The following KALRN variants were observed in gnomAD, a reference collection of about 807,000 sequenced individuals.
KALRN encodes the protein kalirin.
A neutral mutation model predicts 353.7 loss-of-function variants in KALRN; 70 were observed. The ratio of observed to expected loss-of-function variants is 0.20; its 90% CI spans 0.16 to 0.24. The LOEUF (loss-of-function observed/expected upper bound fraction) is 0.24, where lower values mean the gene tolerates loss of function less well. Ranked by LOEUF, KALRN falls within the 10% of genes least tolerant of loss-of-function variation. KALRN has a pLI of 1.00. For synonymous variants in KALRN, 1,391 were observed against 1,434.8 expected, an observed-to-expected ratio of 0.97 and a Z score of 0.69; for missense variants, 2,791 against 3,756.7, an observed-to-expected ratio of 0.74 and a Z score of 6.72.
At chr3:124,574,054 C>A (rs2073840608) in intron 34 of KALRN, among the ~76,000 whole-genome samples, 1 of 152,278 alleles carries the variant, frequency 6.6e-6, no homozygotes, top group African/African-American at 2.4e-5. Context: ...GAGGGGACCA[C>A]TCTTTAATTC....
At chr3:124,069,337 G>T (rs1387106779) in intron 1 of KALRN, among the ~76,000 whole-genome samples, 1 of 110,848 alleles carries the variant, frequency 9.0e-6, no homozygotes, top group Non-Finnish European at 1.8e-5. Context: ...AGGAGGAGGA[G>T]GAGGAGGAGG....
rs568226263 is a variant in KALRN, at chr3:124,420,294, A to G, written c.2543-2518A>G. 7.9e-5 allele frequency among the ~76,000 whole-genome samples: 12 copies of G among 152,362 alleles called. No homozygotes were observed. In the South Asian group the frequency reaches 1.0e-3, roughly 13 times the overall value. Reference sequence around the variant, plus strand: ...ACATGTGGTGTGGCAGAGGTGAGCCATGAGGCTCACAAAGAAAGACATTTT... The same window carrying G: ...ACATGTGGTGTGGCAGAGGTGAGCCGTGAGGCTCACAAAGAAAGACATTTT... On this transcript the variant is annotated intron_variant, in intron 14 of 59. Coordinates refer to ENST00000682506, the MANE Select transcript of KALRN (RefSeq NM_001388419.1).
Position 124,398,757 on chromosome 3 carries a change from G to C in KALRN, c.2232G>C (p.Ser744=). ...PHSSSISHIE[S]VLQQLDDAQV... Reference sequence around the variant, plus strand: ...GCAGCTCCATCAGCCACATCGAGTCGGTCCTGCAGCAGCTTGATGATGCCC... The same window carrying C: ...GCAGCTCCATCAGCCACATCGAGTCCGTCCTGCAGCAGCTTGATGATGCCC... The change falls in exon 13 of 60, where the codon TCG becomes TCC. Residue 744 remains serine (S), a synonymous_variant. Transcript: ENST00000682506. 6.2e-7 allele frequency: 1 copy of C among 1,614,108 alleles called. No individual in the cohort carries two copies. Among genetic ancestry groups the C allele is most frequent in the South Asian group, 1.1e-5 (1 of 91,072 alleles).
chr3:124,329,788 C>A (rs1336928281), intron 7 of KALRN, 73 bp from the exon 8 acceptor site: 11 of 1,528,096 alleles, frequency 7.2e-6, no homozygotes, highest in African/African-American at 1.4e-5. Flanking sequence ...AGGTATCTGA[C>A]CCTCTCTCCA....
intron 9 of KALRN, among the ~76,000 whole-genome samples, chr3:124,343,548 CT>C (rs1251053571): frequency 2.2e-4 from 34 of 152,164 alleles, no homozygotes; most frequent in Admixed American, 2.2e-3. Context: ...ACAATGGATT[CT>C]CCCGTTCAGC....
intron 18 of KALRN, 54 bp from the exon 19 acceptor site, chr3:124,441,891 C>A: frequency 8.7e-7 from 1 of 1,144,316 alleles, no homozygotes; most frequent in Non-Finnish European, 1.2e-6. Flanking sequence ...TCTCCATTGT[C>A]TTGGATTCCA....
chr3:124,474,848 G>T (rs1485271787), intron 26 of KALRN, 116 bp downstream of exon 26: 2 of 819,258 alleles, frequency 2.4e-6, no homozygotes, highest in Non-Finnish European at 2.1e-6. Context: ...CTACTGAGAG[G>T]GACCATGAGT....
rs1377097482 is a variant in KALRN, at chr3:124,495,957, G to GTGTGTATA, written c.4833-353_4833-352insGTGTATAT. ...GACCCGTTCCCAAGTGTGTGTATGT[G>GTGTGTATA]TATGTATGTATATATATATATATAT... On this transcript the variant is annotated intron_variant, in intron 32 of 59. Transcript: ENST00000682506. Among the ~76,000 whole-genome samples, 91 of 44,212 alleles carry GTGTGTATA rather than the reference G, an allele frequency of 2.1e-3. 3 individuals carry two copies. The highest frequency in any genetic ancestry group is 3.4e-3 in the Non-Finnish European group (79 of 23,038). The allele number at this position is 44,212 out of a possible 152,430, so 29.0% of individuals were successfully genotyped here.
At chr3:124,444,890 C>A (rs754513732) in intron 19 of KALRN, among the ~76,000 whole-genome samples, 2 of 151,888 alleles carry the variant, frequency 1.3e-5, no homozygotes, top group Non-Finnish European at 2.9e-5. Context: ...CAGATTCTGT[C>A]CTCAGAAAGC....
At position 124,700,129 on chromosome 3, in the gene KALRN, C is replaced by T. The variant is rs576591694; in HGVS notation, c.7996+96C>T. 1.1e-4 allele frequency: 128 copies of T among 1,166,240 alleles called. No homozygotes were observed. In the Middle Eastern group the frequency reaches 1.9e-3, roughly 18 times the overall value. The allele number at this position is 1,166,240 out of a possible 1,614,324, so 72.2% of individuals were successfully genotyped here. On this transcript the variant is annotated intron_variant, in intron 56 of 59. Transcript: ENST00000682506. ...TGGGCACGTTGACATGTCAGGCCAC[C>T]ATGCAAGAGGCACCTTTTAGAGGAC...
chr3:124,058,118 A>G (rs2041711539), intron 1 of KALRN, among the ~76,000 whole-genome samples: 1 of 152,180 alleles, frequency 6.6e-6, no homozygotes, highest in African/African-American at 2.4e-5. Context: ...AGAACAGCCC[A>G]GGAAAGACCT....
At chr3:124,090,406 C>G (rs1372193876) in intron 1 of KALRN, among the ~76,000 whole-genome samples, 1 of 152,206 alleles carries the variant, frequency 6.6e-6, no homozygotes, top group Non-Finnish European at 1.5e-5. Context: ...CTCCTGCTGC[C>G]TGGCCTGATA....
rs59516919 is a variant in KALRN, at chr3:124,236,437, A to G, written c.263+1494A>G. Among the ~76,000 whole-genome samples, 142 of 152,226 alleles carry G rather than the reference A, an allele frequency of 9.3e-4. No homozygotes were observed. In the East Asian group the frequency reaches 0.016, roughly 17 times the overall value. On this transcript the variant is annotated intron_variant, in intron 3 of 59. Coordinates refer to ENST00000682506, the MANE Select transcript of KALRN (RefSeq NM_001388419.1). Reference sequence around the variant, plus strand: ...TTTTTTAAAGCACTTTTCCTAAGTAAGTGACTAACAGGCATAAAACCAGGA... The same window carrying G: ...TTTTTTAAAGCACTTTTCCTAAGTAGGTGACTAACAGGCATAAAACCAGGA...
chr3:124,426,238 T>G (rs16835407), intron 15 of KALRN, among the ~76,000 whole-genome samples: 5,436 of 152,252 alleles, frequency 0.036, 131 homozygotes, highest in Non-Finnish European at 0.058. Flanking sequence ...AAATACTGAT[T>G]TGGAAGCTGT....
At chr3:124,219,556 T>G (rs1409325004) in intron 1 of KALRN, among the ~76,000 whole-genome samples, 1 of 152,178 alleles carries the variant, frequency 6.6e-6, no homozygotes, top group Admixed American at 6.5e-5. Flanking sequence ...AGCTCAGTAT[T>G]TAGCAATTGC....
chr3:124,573,040 A>G (rs1384279912), intron 34 of KALRN, among the ~76,000 whole-genome samples: 1 of 152,162 alleles, frequency 6.6e-6, no homozygotes, highest in Non-Finnish European at 1.5e-5. Context: ...CTGTCTCCAA[A>G]AAAATGTCTT....
chr3:124,535,203 A>C (rs879183274), intron 33 of KALRN, among the ~76,000 whole-genome samples: 1 of 152,134 alleles, frequency 6.6e-6, no homozygotes, highest in Non-Finnish European at 1.5e-5. Context: ...AACACTAGCA[A>C]CTTGTAAACA....
At chr3:124,136,056 A>G (rs1183317926) in intron 1 of KALRN, among the ~76,000 whole-genome samples, 1 of 152,102 alleles carries the variant, frequency 6.6e-6, no homozygotes, top group Non-Finnish European at 1.5e-5. Context: ...TGCACTCAGT[A>G]TATTGCATTG....
At chr3:124,352,477 A>G (rs948843294) in intron 10 of KALRN, among the ~76,000 whole-genome samples, 1 of 152,232 alleles carries the variant, frequency 6.6e-6, no homozygotes, top group Non-Finnish European at 1.5e-5. Flanking sequence ...ATGTTCAAAT[A>G]TATATTATCT....
Sources: gnomAD v4.1 joint callset for allele counts (sites outside exome capture counted in the v4.1 genomes callset) on GRCh38, gnomAD v4.1.1 for gene constraint, MANE v1.5 for transcripts, NCBI Gene and HGNC (gene_info 2026-07-23, HGNC 2026-07-21) for gene names.